DDX17: variants seen among roughly 807,000 people sequenced by gnomAD.
DDX17 encodes the protein probable ATP-dependent RNA helicase DDX17.
In DDX17, 10 loss-of-function variants were observed where a neutral mutation model predicts 80.8. That is an observed-to-expected ratio of 0.12 (90% CI 0.08 to 0.21). The LOEUF (loss-of-function observed/expected upper bound fraction) is 0.21. Ranked by LOEUF, DDX17 falls within the 10% of genes least tolerant of loss-of-function variation. The pLI is 1.00. For missense variants in DDX17, 586 were observed against 957.4 expected (o/e 0.61, Z 5.12); for synonymous variants, 339 against 336.2 (o/e 1.01, Z -0.09).
chr22:38,489,548 T>A lies in DDX17; in HGVS notation c.1448-1433A>T. On this transcript the variant is annotated intron_variant, in intron 11 of 12. Coordinates refer to ENST00000403230, the MANE Select transcript of DDX17 (RefSeq NM_006386.5). This position sits in a 1 kb window ranked among gnomAD's most constrained non-coding sequence, Gnocchi z 4.6. ...GAAAAAAATAATTAATAAAAAAAAA[T>A]GTAAGTTACATCCAAAGGGTCAGAC... 1.7e-5 allele frequency: 17 copies of A among 984,220 alleles called. No homozygotes were observed. The highest frequency in any genetic ancestry group is 2.0e-5 in the Non-Finnish European group (17 of 829,276). 61.0% of individuals were successfully genotyped at this position (984,220 alleles called of 1,614,324 possible). A position where few individuals can be genotyped will look rare whatever the true frequency, so the allele number is the denominator to read the frequency against.
At chr22:38,502,266 A>G (rs2089838294) in intron 1 of DDX17, among the ~76,000 whole-genome samples, 1 of 152,168 alleles carries the variant, frequency 6.6e-6, no homozygotes, top group Non-Finnish European at 1.5e-5. Context: ...ACAAAAGAGT[A>G]GCCAGGCGTG....
At chr22:38,498,245 T>C in intron 4 of DDX17, 95 bp from the exon 5 acceptor site, 1 of 1,483,224 alleles carries the variant, frequency 6.7e-7, no homozygotes, top group South Asian at 1.2e-5. Flanking sequence ...AATAGGAAAG[T>C]GAAAAACAGA....
At chr22:38,492,500 T>TTTTGAGA (rs1173171235) in intron 10 of DDX17, among the ~76,000 whole-genome samples, 1 of 152,218 alleles carries the variant, frequency 6.6e-6, no homozygotes, top group African/African-American at 2.4e-5. Context: ...TCTTTCTTTT[T>TTTTGAGA]TTTGAGATGG....
At chr22:38,500,175 C>A (rs76031314) in intron 2 of DDX17, among the ~76,000 whole-genome samples, 3,177 of 131,132 alleles carry the variant, frequency 0.024, 4 homozygotes, top group Non-Finnish European at 0.026. Context: ...GACTTCACCT[C>A]AAAAAAAAAA....
At chr22:38,495,999 A>G (rs2089761928) in intron 5 of DDX17, 62 bp from the exon 6 acceptor site, 2 of 1,287,178 alleles carry the variant, frequency 1.6e-6, no homozygotes, top group South Asian at 1.9e-5. Flanking sequence ...AAAAAAAAAA[A>G]GAAGAAACAA....
intron 11 of DDX17, chr22:38,491,644 C>A: frequency 6.2e-6 from 1 of 161,260 alleles, no homozygotes; most frequent in Non-Finnish European, 1.3e-5. Context: ...CTAGCTTAGA[C>A]AGGGATAGGG....
chr22:38,501,311 G>C lies in DDX17; in HGVS notation c.288-31C>G, dbSNP rs772752213. 3 of 1,594,306 alleles carry C rather than the reference G, an allele frequency of 1.9e-6. No individual in the cohort carries two copies. In the African/African-American group the frequency reaches 4.1e-5, roughly 22 times the overall value. ...AACAGAATTTTTAGTTAGTTCATCA[G>C]TATTTTTAAAGCAACGTATCGTACA... On this transcript the variant is annotated intron_variant, in intron 1 of 12. Transcript: ENST00000403230.
At chr22:38,500,946 T>A (rs138454) in intron 2 of DDX17, among the ~76,000 whole-genome samples, 184 bp downstream of exon 2, 5 of 147,156 alleles carry the variant, frequency 3.4e-5, no homozygotes, top group Admixed American at 1.4e-4. Flanking sequence ...GCCTGGGGAA[T>A]ATGGCGAAAC....
chr22:38,495,134 A>G (rs910330664), intron 6 of DDX17, 88 bp from the exon 7 acceptor site: 2 of 1,335,328 alleles, frequency 1.5e-6, no homozygotes, highest in Non-Finnish European at 2.0e-6. Context: ...GGAGGCGGGA[A>G]GATCGCTTGA....
intron 10 of DDX17, chr22:38,493,378 G>T: frequency 5.1e-6 from 1 of 197,394 alleles, no homozygotes; most frequent in Non-Finnish European, 1.0e-5. Flanking sequence ...TTAGAGACAG[G>T]ATTTCACTAT....
intron 11 of DDX17, chr22:38,488,988 T>C (rs2089688721): frequency 1.0e-6 from 1 of 985,404 alleles, no homozygotes; most frequent in Non-Finnish European, 1.2e-6. Flanking sequence ...TTCTCTCTAC[T>C]GCTGGGAATT....
In DDX17 at chr22:38,489,604, A is replaced by C. The variant is rs2089693419; in HGVS notation, c.1448-1489T>G. The stretch of plus-strand genomic sequence containing the variant: ...CTATTGCCCAGACTGGATTAATTTC[A>C]AGGGAGAAAGGGGAGATTAAAAAAA... On this transcript the variant is annotated intron_variant, in intron 11 of 12. Coordinates refer to ENST00000403230, the MANE Select transcript of DDX17 (RefSeq NM_006386.5). This position sits in a 1 kb window ranked among gnomAD's most constrained non-coding sequence, Gnocchi z 4.6. 1 of 985,060 alleles carries C rather than the reference A, an allele frequency of 1.0e-6. No individual in the cohort carries two copies. Among genetic ancestry groups the C allele is most frequent in the Admixed American group, 6.2e-5 (1 of 16,254 alleles). 61.0% of individuals were successfully genotyped at this position (985,060 alleles called of 1,614,324 possible).
chr22:38,491,916 G>A (rs867769970), intron 11 of DDX17, 140 bp downstream of exon 11: 7 of 564,006 alleles, frequency 1.2e-5, no homozygotes, highest in South Asian at 9.5e-5. Context: ...GGAGAATCAC[G>A]CTTTGTATTT....
rs16999006 is a variant in DDX17 at position 38,488,652 on chromosome 22, A to C, written c.1448-537T>G. On this transcript the variant is annotated intron_variant, in intron 11 of 12. Transcript: ENST00000403230. ...ATTACTACAATTTAAAGGAAACTTAAATGTTTTGATTAACATTTAACTTTT... is the reference window on the plus strand; with the variant it reads ...ATTACTACAATTTAAAGGAAACTTACATGTTTTGATTAACATTTAACTTTT... 6,145 of 987,452 alleles carry C rather than the reference A, an allele frequency of 6.2e-3. 293 individuals carry two copies. In the African/African-American group the frequency reaches 0.095, roughly 15 times the overall value. The allele number at this position is 987,452 out of a possible 1,614,324, so 61.2% of individuals were successfully genotyped here. A position where few individuals can be genotyped will look rare whatever the true frequency, so the allele number is the denominator to read the frequency against.
At chr22:38,488,619 T>C (rs938003913) in intron 11 of DDX17, 12 of 988,212 alleles carry the variant, frequency 1.2e-5, no homozygotes, top group Non-Finnish European at 3.6e-6. Flanking sequence ...AGGAGCTTCA[T>C]ATATTTTATT....
chr22:38,503,766 T>C (rs1341655686), intron 1 of DDX17, among the ~76,000 whole-genome samples: 2 of 152,240 alleles, frequency 1.3e-5, no homozygotes, highest in Non-Finnish European at 2.9e-5. Context: ...ACAATGCCTA[T>C]CATTTTTGCA....
At chr22:38,505,589 C>G (rs999159592) in intron 1 of DDX17, 7 of 237,426 alleles carry the variant, frequency 2.9e-5, no homozygotes, top group Non-Finnish European at 5.6e-5. Flanking sequence ...AGACATCGAA[C>G]AGCCCGCCCG....
At chr22:38,500,807 A>C (rs1280202014) in intron 2 of DDX17, among the ~76,000 whole-genome samples, 3 of 100,760 alleles carry the variant, frequency 3.0e-5, no homozygotes, top group Non-Finnish European at 6.0e-5. Flanking sequence ...ACAAGAGCAA[A>C]ACTCCGTCTC....
At position 38,486,123 on chromosome 22, in the gene DDX17, T is replaced by C. The variant is rs1206439352; in HGVS notation, c.2002A>G (p.Thr668Ala). 6 of 1,614,140 alleles carry C rather than the reference T, an allele frequency of 3.7e-6. No individual in the cohort carries two copies. The highest frequency in any genetic ancestry group is 1.1e-5 in the South Asian group (1 of 91,080). The change falls in exon 13 of 13, where the codon ACT becomes GCT. Residue 668 changes from threonine (T) to alanine (A), a missense_variant. Physicochemically the swap from Thr to Ala is moderately conservative, Grantham distance 58. Coordinates refer to ENST00000403230, the MANE Select transcript of DDX17 (RefSeq NM_006386.5). ...CTAGAGCTCTGTGAACTTCTCCCAG[T>C]TGAGGTGGTGCTACTAGCTCCATAA...
Sources: gnomAD v4.1 joint callset for allele counts (sites outside exome capture counted in the v4.1 genomes callset) on GRCh38, gnomAD v4.1.1 for gene constraint, Gnocchi (gnomAD v3.1) non-coding constraint, MANE v1.5 for transcripts, NCBI Gene and HGNC (gene_info 2026-07-23, HGNC 2026-07-21) for gene names.